NRXN3: variants seen among roughly 807,000 people sequenced by gnomAD.
The protein encoded by NRXN3 is neurexin 3.
Under a neutral mutation model 137.6 loss-of-function variants are expected in NRXN3, and 32 were observed. That is an observed-to-expected ratio of 0.23 (90% CI 0.18 to 0.31). The LOEUF (loss-of-function observed/expected upper bound fraction) is 0.31. Ranked by LOEUF, NRXN3 falls within the 10% of genes least tolerant of loss-of-function variation. The pLI is 1.00. For synonymous variants in NRXN3, 798 were observed against 784.5 expected (o/e 1.02, Z -0.29); for missense variants, 1,574 against 2,062.5 (o/e 0.76, Z 4.59).
At chr14:78,705,023 C>G (rs532394773) in intron 6 of NRXN3, among the ~76,000 whole-genome samples, 1 of 152,314 alleles carries the variant, frequency 6.6e-6, no homozygotes, top group South Asian at 2.1e-4. Flanking sequence ...AAGCATGAGT[C>G]ACGTGTCCAA....
At chr14:79,762,376 T>A (rs1215143359) in intron 19 of NRXN3, among the ~76,000 whole-genome samples, 1 of 151,688 alleles carries the variant, frequency 6.6e-6, no homozygotes, top group Non-Finnish European at 1.5e-5. Flanking sequence ...GATGTTGAAC[T>A]GAAGAAAGAA....
At chr14:79,000,452 T>A (rs559932184) in intron 15 of NRXN3, among the ~76,000 whole-genome samples, 163 of 152,314 alleles carry the variant, frequency 1.1e-3, no homozygotes, top group Non-Finnish European at 2.0e-3. Flanking sequence ...GGGCCACAGA[T>A]CAGGTATCTG....
chr14:78,745,376 C>T lies in NRXN3; in HGVS notation c.2044+30237C>T, dbSNP rs1324400839. 2.0e-5 allele frequency: 3 copies of T among 152,348 alleles called. 1 individual carries two copies. In the South Asian group the frequency reaches 6.2e-4, roughly 32 times the overall value. The allele number at this position is 152,348 out of a possible 1,614,324, so 9.4% of individuals were successfully genotyped here. On this transcript the variant is annotated intron_variant, in intron 8 of 20. Coordinates refer to ENST00000335750, the MANE Select transcript of NRXN3 (RefSeq NM_001330195.2). Reference sequence around the variant, plus strand: ...ACTTCAGTGACTCCCCCTTCACTCACCCCTCATCTTCCACGGCCAACCAAC... The same window carrying T: ...ACTTCAGTGACTCCCCCTTCACTCATCCCTCATCTTCCACGGCCAACCAAC...
intron 6 of NRXN3, among the ~76,000 whole-genome samples, chr14:78,653,417 T>G (rs1210200420): frequency 1.3e-5 from 2 of 152,182 alleles, no homozygotes; most frequent in Non-Finnish European, 2.9e-5. Flanking sequence ...CAGGAATGAA[T>G]GAGGCATTGG....
chr14:78,689,090 T>A (rs145988838), intron 6 of NRXN3, among the ~76,000 whole-genome samples: 228 of 152,280 alleles, frequency 1.5e-3, no homozygotes, highest in African/African-American at 5.3e-3. Flanking sequence ...TAAAGGTTTT[T>A]TAAATCTCAA....
At chr14:79,347,229 GT>G (rs938623522) in intron 15 of NRXN3, among the ~76,000 whole-genome samples, 8 of 150,860 alleles carry the variant, frequency 5.3e-5, no homozygotes, top group Non-Finnish European at 7.4e-5. Context: ...CTGAGAGAAG[GT>G]TTTTTTTTAA....
At chr14:79,856,360 CTTTGAAAAAT>C (rs1193190158) in intron 20 of NRXN3, among the ~76,000 whole-genome samples, 2 of 152,072 alleles carry the variant, frequency 1.3e-5, no homozygotes, top group Non-Finnish European at 2.9e-5. Flanking sequence ...AGCTAAATAT[CTTTGAAAAAT>C]TAATTCTTGG....
At chr14:79,350,389 C>G (rs1334874519) in intron 15 of NRXN3, among the ~76,000 whole-genome samples, 1 of 152,162 alleles carries the variant, frequency 6.6e-6, no homozygotes, top group African/African-American at 2.4e-5. Context: ...CATGTAGTGT[C>G]TACTCTACTG....
At chr14:79,659,815 A>G (rs2098524494) in intron 16 of NRXN3, among the ~76,000 whole-genome samples, 2 of 152,196 alleles carry the variant, frequency 1.3e-5, no homozygotes, top group South Asian at 2.1e-4. Flanking sequence ...TGTTATTTGA[A>G]CCATGCTAGG....
intron 15 of NRXN3, among the ~76,000 whole-genome samples, chr14:79,208,698 A>T (rs1352000459): frequency 6.6e-6 from 1 of 152,150 alleles, no homozygotes; most frequent in Non-Finnish European, 1.5e-5. Context: ...ATTTTATTGG[A>T]TATAACAGTT....
At chr14:79,030,879 C>CT (rs1428547871) in intron 15 of NRXN3, among the ~76,000 whole-genome samples, 2 of 151,766 alleles carry the variant, frequency 1.3e-5, no homozygotes, top group Admixed American at 6.6e-5. Flanking sequence ...GTTTCTGGGT[C>CT]TTTTTTCGTG....
At chr14:78,794,275 AG>A in intron 8 of NRXN3, among the ~76,000 whole-genome samples, 1 of 152,292 alleles carries the variant, frequency 6.6e-6, no homozygotes, top group South Asian at 2.1e-4. Flanking sequence ...CCAGCTACTC[AG>A]GAGGCTGAGG....
intron 8 of NRXN3, among the ~76,000 whole-genome samples, chr14:78,718,574 G>A (rs1164349472): frequency 2.0e-5 from 3 of 152,170 alleles, no homozygotes; most frequent in Non-Finnish European, 4.4e-5. Context: ...AGATTAATTT[G>A]CATGTGTATG....
chr14:79,376,198 GTGT>G (rs1262491093), intron 15 of NRXN3, among the ~76,000 whole-genome samples: 28 of 45,124 alleles, frequency 6.2e-4, no homozygotes, highest in Admixed American at 3.2e-3. Context: ...ACATGTGGGT[GTGT>G]GTGTGTGTGT....
Position 78,243,537 on chromosome 14 carries a change from C to T in NRXN3, c.444C>T (p.Phe148=). 1.3e-6 allele frequency: 2 copies of T among 1,597,434 alleles called. No homozygotes were observed. Among genetic ancestry groups the T allele is most frequent in the Non-Finnish European group, 1.7e-6 (2 of 1,179,414 alleles). The change falls in exon 2 of 21, where the codon TTC becomes TTT. Residue 148 remains phenylalanine, a synonymous_variant. Transcript: ENST00000335750. This position sits in a 1 kb window ranked among gnomAD's most constrained non-coding sequence, Gnocchi z 4.2. The part of the protein sequence containing the change: ...RPYMDVVSDL[F]LGGVPTDIRP... ...ACATGGATGTGGTCAGTGACTTGTT[C>T]CTTGGTGGAGTCCCTACTGACATAC...
chr14:79,529,245 G>A (rs2097148623), intron 16 of NRXN3, among the ~76,000 whole-genome samples: 2 of 152,164 alleles, frequency 1.3e-5, no homozygotes, highest in Admixed American at 6.5e-5. Context: ...CGTGACAGGG[G>A]CTGCATGCAC....
At chr14:78,417,409 TG>T in intron 4 of NRXN3, among the ~76,000 whole-genome samples, 1 of 152,336 alleles carries the variant, frequency 6.6e-6, no homozygotes, top group South Asian at 2.1e-4. Flanking sequence ...CATGCCCCCA[TG>T]GGAGCATGCG....
intron 15 of NRXN3, among the ~76,000 whole-genome samples, chr14:79,125,332 G>A (rs2056213940): frequency 6.6e-6 from 1 of 152,186 alleles, no homozygotes; most frequent in African/African-American, 2.4e-5. Flanking sequence ...TCACTAGAAT[G>A]AAAGAAATTA....
intron 15 of NRXN3, among the ~76,000 whole-genome samples, chr14:79,170,413 A>G (rs758655236): frequency 1.1e-4 from 16 of 152,128 alleles, no homozygotes; most frequent in Non-Finnish European, 7.4e-5. Flanking sequence ...ATGTGTCCAT[A>G]CTTATGTCAG....
Sources: allele counts gnomAD v4.1 joint callset (sites outside exome capture counted in the v4.1 genomes callset), GRCh38; gene constraint gnomAD v4.1.1; non-coding constraint Gnocchi (gnomAD v3.1); transcripts MANE v1.5; gene names NCBI Gene and HGNC (gene_info 2026-07-23, HGNC 2026-07-21).